RAD51D: variants seen among roughly 807,000 people sequenced by gnomAD.
RAD51D encodes RAD51 paralog D.
In RAD51D, 38 loss-of-function variants were observed where a neutral mutation model predicts 44.1. The observed-to-expected ratio is 0.86, with a 90% confidence interval of 0.67 to 1.13. The LOEUF (loss-of-function observed/expected upper bound fraction) is 1.13. Among genes scored for constraint, RAD51D ranks in the 50% most tolerant of loss-of-function variants. The probability of loss-of-function intolerance (pLI) is 0.00; values close to 1 mark genes in which losing one functional copy is unlikely to be tolerated. For synonymous variants in RAD51D, 141 were observed against 166.6 expected, an observed-to-expected ratio of 0.85 and a Z score of 1.18; for missense variants, 390 against 414.0, an observed-to-expected ratio of 0.94 and a Z score of 0.50.
At chr17:35,106,228 T>G (rs1279520600) in intron 6 of RAD51D, 158 bp downstream of exon 6, 1 of 758,702 alleles carries the variant, frequency 1.3e-6, no homozygotes, top group South Asian at 1.4e-5. Flanking sequence ...GGTATGTGAT[T>G]TAGGTGCTCG....
At chr17:35,110,227 G>A (rs1211070139) in intron 3 of RAD51D, among the ~76,000 whole-genome samples, 1 of 152,056 alleles carries the variant, frequency 6.6e-6, no homozygotes, top group African/African-American at 2.4e-5. Flanking sequence ...GACCACCTCA[G>A]CCTCTCAAAG....
At chr17:35,116,002 A>AAAGAAAGG (rs1555569900) in intron 3 of RAD51D, among the ~76,000 whole-genome samples, 10 of 150,990 alleles carry the variant, frequency 6.6e-5, no homozygotes, top group African/African-American at 2.2e-4. Context: ...AGAAAGAAAG[A>AAAGAAAGG]AAGAAAGAAA....
Position 35,119,608 on chromosome 17 carries a change from G to A in RAD51D, c.6C>T (p.Gly2=), listed in dbSNP as rs1255954226. Residue 2 remains glycine (G), a synonymous_variant, in exon 1 of 10, where the codon GGC becomes GGT. Coordinates refer to ENST00000345365, the MANE Select transcript of RAD51D (RefSeq NM_002878.4). The part of the protein sequence containing the change: M[G]VLRVGLCPGL... The stretch of plus-strand genomic sequence containing the variant: ...CAGGGCACAGTCCGACCCTGAGCAC[G>A]CCCATGTTCCCCGCAGGCCGGAACA... The A allele has an allele frequency of 6.2e-7, 1 of 1,611,264 alleles. No homozygotes were observed. Among genetic ancestry groups the A allele is most frequent in the Non-Finnish European group, 8.5e-7 (1 of 1,179,936 alleles).
rs752907589 is a variant in RAD51D at position 35,119,120 on chromosome 17, C to G, written c.135G>C (p.Leu45Phe). 2 of 1,612,420 alleles carry G rather than the reference C, an allele frequency of 1.2e-6. No homozygotes were observed. Among genetic ancestry groups the G allele is most frequent in the East Asian group, 4.5e-5 (2 of 44,798 alleles). The change falls in exon 2 of 10, where the codon TTG becomes TTC. Residue 45 changes from leucine to phenylalanine, a missense_variant. By Grantham distance (22) the Leu-to-Phe change is conservative. Transcript: ENST00000345365. ...DLEEVAQKCG[L>F]SYKALVALRR... ...GAGATCAGGAGCTCACCTTGTAAGACAAGCCACATTTCTGAGCTACCTCTT... is the reference window on the plus strand; with the variant it reads ...GAGATCAGGAGCTCACCTTGTAAGAGAAGCCACATTTCTGAGCTACCTCTT...
At chr17:35,113,767 C>G (rs964957252) in intron 3 of RAD51D, among the ~76,000 whole-genome samples, 6 of 152,166 alleles carry the variant, frequency 3.9e-5, no homozygotes, top group African/African-American at 1.4e-4. Context: ...AGTGTGGTCC[C>G]CAGACCAGGT....
Position 35,106,489 on chromosome 17 carries a change from G to A in RAD51D, c.481-8C>T, listed in dbSNP as rs762247126. ...CCTCCGGAGAGCTTCTGCCTGAAGC[G>A]GTGGAAAAGAAAAGCAAGGACTTTG... On this transcript the variant is annotated splice_region_variant and splice_polypyrimidine_tract_variant and intron_variant, in intron 5 of 9. Coordinates refer to ENST00000345365, the MANE Select transcript of RAD51D (RefSeq NM_002878.4). The A allele has an allele frequency of 1.8e-5, 29 of 1,606,102 alleles. No individual in the cohort carries two copies. Among genetic ancestry groups the A allele is most frequent in the South Asian group, 8.9e-5 (8 of 90,106 alleles).
At position 35,100,621 on chromosome 17, in the gene RAD51D, C is replaced by G. The variant is rs1021172031; in HGVS notation, c.*332G>C. The G allele has an allele frequency of 1.8e-5, 10 of 551,366 alleles. No individual in the cohort carries two copies. The African/African-American group carries it at 1.9e-4, about 10-fold the overall frequency. The allele number at this position is 551,366 out of a possible 1,614,324, so 34.2% of individuals were successfully genotyped here. On this transcript the variant is annotated 3_prime_UTR_variant, in exon 10 of 10. Coordinates refer to ENST00000345365, the MANE Select transcript of RAD51D (RefSeq NM_002878.4). ...GAGCACAGGACACAATGGTGATGCA[C>G]AGGATTATCCATCCAGTCGCCAGCA...
In RAD51D at chr17:35,095,412, G is replaced by C. The variant is rs1432273740; in HGVS notation, c.*5541C>G. ...CAGAATTGCTTGAACCCAGGAAGCA[G>C]AGGTTGCAGTGAGCCAAGATCATGC... On this transcript the variant is annotated 3_prime_UTR_variant, in exon 10 of 10. Transcript: ENST00000345365. 6.6e-6 allele frequency: 1 copy of C among 152,238 alleles called. No individual in the cohort carries two copies. Among genetic ancestry groups the C allele is most frequent in the African/African-American group, 2.4e-5 (1 of 41,418 alleles). The allele number at this position is 152,238 out of a possible 1,614,324, so 9.4% of individuals were successfully genotyped here.
At chr17:35,119,328 T>G in intron 1 of RAD51D, 156 bp from the exon 2 acceptor site, 2 of 893,792 alleles carry the variant, frequency 2.2e-6, no homozygotes, top group Admixed American at 2.0e-5. Flanking sequence ...GCCGGCGCGG[T>G]GCCCTGCACA....
Position 35,119,840 on chromosome 17 carries a change from T to C in RAD51D, c.-227A>G, listed in dbSNP as rs754373820. The C allele has an allele frequency of 2.7e-5, 18 of 672,900 alleles. No individual in the cohort carries two copies. The South Asian group carries it at 2.7e-4, about 10-fold the overall frequency. 41.7% of individuals were successfully genotyped at this position (672,900 alleles called of 1,614,324 possible). A position where few individuals can be genotyped will look rare whatever the true frequency, so the allele number is the denominator to read the frequency against. On this transcript the variant is annotated 5_prime_UTR_variant, in exon 1 of 10. Coordinates refer to ENST00000345365, the MANE Select transcript of RAD51D (RefSeq NM_002878.4). ...CCGCGCCCAGAGCCCGCCCGCCGGG[T>C]CGCGCCGCGCTGCCGCTTCCGGGTT... is the stretch of plus-strand genomic sequence containing the variant.
At chr17:35,108,072 GT>G (rs1323884033) in intron 3 of RAD51D, among the ~76,000 whole-genome samples, 1 of 151,356 alleles carries the variant, frequency 6.6e-6, no homozygotes, top group Non-Finnish European at 1.5e-5. Flanking sequence ...CCTTGATAGC[GT>G]TTCCCAAAAT....
In RAD51D at chr17:35,119,556, G is replaced by T; in HGVS notation, c.58C>A (p.Leu20Ile). The change falls in exon 1 of 10, where the codon CTC (leucine) becomes ATC (isoleucine). Residue 20 changes from leucine to isoleucine, a missense_variant. Leu to Ile is a conservative substitution (Grantham distance 5). Coordinates refer to ENST00000345365, the MANE Select transcript of RAD51D (RefSeq NM_002878.4). ...PGLTEEMIQL[L>I]RSHRIKTVVD... The stretch of plus-strand genomic sequence containing the variant: ...CCTGTCTTGATCCTGTGGCTCCTGA[G>T]AAGCTGGATCATCTCCTCGGTAAGG... 6.2e-7 allele frequency: 1 copy of T among 1,612,736 alleles called. No homozygotes were observed.
chr17:35,103,595 A>G lies in RAD51D; in HGVS notation c.577-51T>C. On this transcript the variant is annotated intron_variant, in intron 6 of 9. Coordinates refer to ENST00000345365, the MANE Select transcript of RAD51D (RefSeq NM_002878.4). The surrounding 1 kb of genome is among the most constrained non-coding windows in gnomAD (Gnocchi z 4.1). Reference sequence around the variant, plus strand: ...ATGAACCTGTCAGCCTCTAGGACACATTACAGGACAAGCTTGCTTTTCTAT... The same window carrying G: ...ATGAACCTGTCAGCCTCTAGGACACGTTACAGGACAAGCTTGCTTTTCTAT... The G allele has an allele frequency of 7.1e-7, 1 of 1,410,844 alleles. No homozygotes were observed. Among genetic ancestry groups the G allele is most frequent in the Non-Finnish European group, 1.0e-6 (1 of 996,740 alleles). The allele number at this position is 1,410,844 out of a possible 1,614,324, so 87.4% of individuals were successfully genotyped here.
chr17:35,107,415 G>A lies in RAD51D; in HGVS notation c.296C>T (p.Thr99Ile), dbSNP rs1339099286. ...LDKLLDAGLY[T>I]GEVTEIVGGP... ...TCCTACAATTTCAGTCACTTCTCCAGTATAGAGACCAGCATCAAGCAGTTT... is the reference window on the plus strand; with the variant it reads ...TCCTACAATTTCAGTCACTTCTCCAATATAGAGACCAGCATCAAGCAGTTT... Residue 99 changes from threonine (T) to isoleucine (I), a missense_variant, in exon 4 of 10, where the codon ACT becomes ATT. Transcript: ENST00000345365. 2.6e-6 allele frequency: 4 copies of A among 1,564,016 alleles called. No homozygotes were observed. Among genetic ancestry groups the A allele is most frequent in the Admixed American group, 1.7e-5 (1 of 59,900 alleles).
At chr17:35,107,903 C>T (rs3887809) in intron 3 of RAD51D, among the ~76,000 whole-genome samples, 7,826 of 150,888 alleles carry the variant, frequency 0.052, 588 homozygotes, top group African/African-American at 0.16. Flanking sequence ...TACAGGTGCC[C>T]GCCACCATAC....
At chr17:35,117,170 G>C in intron 3 of RAD51D, 1 of 973,332 alleles carries the variant, frequency 1.0e-6, no homozygotes, top group Non-Finnish European at 1.5e-6. Flanking sequence ...CCAACTAGAG[G>C]CCTTAAGGGC....
In RAD51D at chr17:35,092,934, G is replaced by C. The variant is rs1444318993; in HGVS notation, c.*8019C>G. The C allele has an allele frequency of 6.6e-6, 1 of 152,180 alleles. No individual in the cohort carries two copies. The highest frequency in any genetic ancestry group is 1.5e-5 in the Non-Finnish European group (1 of 68,048). The allele number at this position is 152,180 out of a possible 1,614,324, so 9.4% of individuals were successfully genotyped here. A position where few individuals can be genotyped will look rare whatever the true frequency, so the allele number is the denominator to read the frequency against. The stretch of plus-strand genomic sequence containing the variant: ...GGAGACAGAACTGGCTACACTGTTT[G>C]CAAGAAACAGTGCAAAATATGGGAT... On this transcript the variant is annotated 3_prime_UTR_variant, in exon 10 of 10. Transcript: ENST00000345365.
rs760246764 is a variant in RAD51D, at chr17:35,118,454, C to T, written c.263+47G>A. 3 of 1,479,186 alleles carry T rather than the reference C, an allele frequency of 2.0e-6. No individual in the cohort carries two copies. In the East Asian group the frequency reaches 6.8e-5, roughly 33 times the overall value. 91.6% of individuals were successfully genotyped at this position (1,479,186 alleles called of 1,614,324 possible). ...CATCAAAAGCAGAGCTGAGAGGAGG[C>T]CCCATCCTCCTGCCTCTCTCCTTCT... On this transcript the variant is annotated intron_variant, in intron 3 of 9. Transcript: ENST00000345365.
In RAD51D at chr17:35,098,545, C is replaced by G. The variant is rs1034040060; in HGVS notation, c.*2408G>C. 2 of 151,968 alleles carry G rather than the reference C, an allele frequency of 1.3e-5. No homozygotes were observed. The highest frequency in any genetic ancestry group is 4.8e-5 in the African/African-American group (2 of 41,322). The allele number at this position is 151,968 out of a possible 1,614,324, so 9.4% of individuals were successfully genotyped here. ...TCAGCCTCCTGAGTAGCTGGGATTACAGGAAATGGGCCACCATGCCTGGCT... is the reference window on the plus strand; with the variant it reads ...TCAGCCTCCTGAGTAGCTGGGATTAGAGGAAATGGGCCACCATGCCTGGCT... On this transcript the variant is annotated 3_prime_UTR_variant, in exon 10 of 10. Transcript: ENST00000345365.
Sources: gnomAD v4.1 joint callset for allele counts (sites outside exome capture counted in the v4.1 genomes callset) on GRCh38, gnomAD v4.1.1 for gene constraint, Gnocchi (gnomAD v3.1) non-coding constraint, MANE v1.5 for transcripts, NCBI Gene and HGNC (gene_info 2026-07-23, HGNC 2026-07-21) for gene names.